Variants in MROH9 observed in about 807,000 individuals in gnomAD.
MROH9 encodes the protein maestro heat like repeat family member 9.
In MROH9, 92 loss-of-function variants were observed where a neutral mutation model predicts 98.2. The observed-to-expected ratio is 0.94, with a 90% CI of 0.79 to 1.11. MROH9 has a LOEUF of 1.11. Among genes scored for constraint, MROH9 ranks in the 50% most tolerant of loss-of-function variants. The probability of loss-of-function intolerance (pLI) is 0.00; values close to 1 mark genes in which losing one functional copy is unlikely to be tolerated. For missense variants in MROH9, 1,057 were observed against 1,014.8 expected, an observed-to-expected ratio of 1.04 and a Z score of -0.57; for synonymous variants, 397 against 368.9, an observed-to-expected ratio of 1.08 and a Z score of -0.87.
At chr1:171,023,368 G>A (rs1159043985) in intron 17 of MROH9, among the ~76,000 whole-genome samples, 1 of 152,158 alleles carries the variant, frequency 6.6e-6, no homozygotes, top group East Asian at 1.9e-4. Flanking sequence ...CAGAGAGCTT[G>A]CATTGTTATT....
At chr1:170,941,245 C>G (rs1007601128) in intron 1 of MROH9, among the ~76,000 whole-genome samples, 3 of 152,134 alleles carry the variant, frequency 2.0e-5, no homozygotes, top group African/African-American at 7.2e-5. Flanking sequence ...GGCCATAGGT[C>G]CCTTTGTGGC....
intron 21 of MROH9, 78 bp downstream of exon 21, chr1:171,062,272 A>G (rs576882522): frequency 1.9e-6 from 2 of 1,041,078 alleles, no homozygotes; most frequent in Non-Finnish European, 2.9e-6. Context: ...GTCACATATG[A>G]GTTCTGTTAG....
chr1:171,016,639 C>T (rs999374686), intron 17 of MROH9, among the ~76,000 whole-genome samples: 1 of 152,060 alleles, frequency 6.6e-6, no homozygotes, highest in African/African-American at 2.4e-5. Flanking sequence ...CCCTCTTCCA[C>T]CTCTTATTGG....
intron 17 of MROH9, among the ~76,000 whole-genome samples, chr1:171,017,899 A>G (rs1366781718): frequency 6.6e-6 from 1 of 151,834 alleles, no homozygotes; most frequent in African/African-American, 2.4e-5. Context: ...TGATCTCCTT[A>G]GGCCTGAACC....
At chr1:170,966,844 T>C (rs570525737) in intron 7 of MROH9, among the ~76,000 whole-genome samples, 2 of 152,220 alleles carry the variant, frequency 1.3e-5, no homozygotes, top group South Asian at 2.1e-4. Context: ...ATTTTGCAAG[T>C]GAGGCTTGAA....
At chr1:171,045,134 G>A (rs1047440730) in intron 20 of MROH9, among the ~76,000 whole-genome samples, 7 of 150,588 alleles carry the variant, frequency 4.6e-5, no homozygotes, top group Admixed American at 1.3e-4. Flanking sequence ...CCGAGTAGCT[G>A]GGACTACAGG....
At chr1:170,950,659 T>TACTGC (rs1418109399) in intron 3 of MROH9, among the ~76,000 whole-genome samples, 1 of 152,144 alleles carries the variant, frequency 6.6e-6, no homozygotes, top group East Asian at 1.9e-4. Context: ...TTTTGTACTG[T>TACTGC]ACTGCACATG....
rs574911846 is a variant in MROH9 at position 171,024,441 on chromosome 1, T to C, written c.1955T>C (p.Leu652Ser). The change falls in exon 18 of 22, where the codon TTA (leucine) becomes TCA (serine). Residue 652 changes from leucine (L) to serine (S), a missense_variant. Coordinates refer to ENST00000367759, the MANE Select transcript of MROH9 (RefSeq NM_001163629.2). The stretch of plus-strand genomic sequence containing the variant: ...ATGGCAATTCGACACTTTGGTCAAT[T>C]AGTTAGGGATATGAGACAGTACACA... ...RSMAIRHFGQ[L>S]VRDMRQYTWM... 31 of 1,551,350 alleles carry C rather than the reference T, an allele frequency of 2.0e-5. No individual in the cohort carries two copies. In the African/African-American group the frequency reaches 3.8e-4, roughly 19 times the overall value.
At chr1:171,007,042 G>C (rs1302981601) in intron 15 of MROH9, among the ~76,000 whole-genome samples, 1 of 152,140 alleles carries the variant, frequency 6.6e-6, no homozygotes, top group African/African-American at 2.4e-5. Context: ...TTCATTATCT[G>C]TATAGTTTTG....
chr1:171,026,494 G>A (rs1652718411), intron 20 of MROH9, among the ~76,000 whole-genome samples: 1 of 149,716 alleles, frequency 6.7e-6, no homozygotes, highest in African/African-American at 2.4e-5. Flanking sequence ...GGCTGGTCTT[G>A]AACTCTGACC....
intron 20 of MROH9, among the ~76,000 whole-genome samples, chr1:171,036,852 A>G (rs1289298459): frequency 6.6e-6 from 1 of 151,770 alleles, no homozygotes; most frequent in African/African-American, 2.4e-5. Context: ...AATACATACT[A>G]TTTATATATG....
chr1:171,022,576 C>A (rs1652555038), intron 17 of MROH9, among the ~76,000 whole-genome samples: 2 of 152,112 alleles, frequency 1.3e-5, no homozygotes, highest in South Asian at 2.1e-4. Flanking sequence ...AGGAGGGGAA[C>A]AACACACACC....
intron 3 of MROH9, among the ~76,000 whole-genome samples, chr1:170,951,794 A>C (rs17838249): frequency 0.095 from 14,519 of 152,106 alleles, 2,202 homozygotes; most frequent in African/African-American, 0.32. Context: ...GTAAAAGAGC[A>C]AAACAATGAC....
Position 171,064,443 on chromosome 1 carries a change from A to G in MROH9, c.*103A>G. The G allele has an allele frequency of 8.2e-7, 1 of 1,217,750 alleles. No individual in the cohort carries two copies. The highest frequency in any genetic ancestry group is 2.9e-4 in the Middle Eastern group (1 of 3,462). The allele number at this position is 1,217,750 out of a possible 1,614,324, so 75.4% of individuals were successfully genotyped here. ...AATGATTTTTCTTTCCCTCCTGACAACTTGAGTCTGTTTGTAGATGCTTTT... is the reference window on the plus strand; with the variant it reads ...AATGATTTTTCTTTCCCTCCTGACAGCTTGAGTCTGTTTGTAGATGCTTTT... On this transcript the variant is annotated 3_prime_UTR_variant, in exon 22 of 22. Transcript: ENST00000367759.
chr1:171,045,612 T>C (rs899855401), intron 20 of MROH9, among the ~76,000 whole-genome samples: 13 of 152,168 alleles, frequency 8.5e-5, no homozygotes, highest in African/African-American at 3.1e-4. Context: ...AAAATTCCTC[T>C]TGTTATTAAT....
intron 15 of MROH9, among the ~76,000 whole-genome samples, chr1:171,006,674 C>A (rs1434220626): frequency 7.2e-6 from 1 of 138,222 alleles, no homozygotes. Flanking sequence ...ATATCTTTTT[C>A]TTTTTTTTTT....
chr1:171,061,612 G>T (rs1005412663), intron 20 of MROH9, among the ~76,000 whole-genome samples: 2 of 152,124 alleles, frequency 1.3e-5, no homozygotes, highest in Non-Finnish European at 2.9e-5. Context: ...CTCTGCTGTG[G>T]TATGATGAAA....
chr1:171,054,359 TCAC>T (rs1257401667), intron 20 of MROH9, among the ~76,000 whole-genome samples: 1 of 152,136 alleles, frequency 6.6e-6, no homozygotes, highest in Admixed American at 6.6e-5. Flanking sequence ...TTCTCATCTC[TCAC>T]CTTATACAAA....
chr1:170,958,498 G>A lies in MROH9; in HGVS notation c.110G>A (p.Gly37Asp), dbSNP rs1649874192. Residue 37 changes from glycine (G) to aspartate (D), a missense_variant, in exon 4 of 22, where the codon GGC (glycine) becomes GAC (aspartate). By Grantham distance (94) the Gly-to-Asp change is moderately conservative. Transcript: ENST00000367759. Reference protein sequence around the residue: ...KVNSLLDAYSGLLSNESMILA... With the variant: ...KVNSLLDAYSDLLSNESMILA... ...AACAGCCTATTGGATGCATACTCAG[G>A]CCTGTTAAGTAATGAATCCATGATC... is the stretch of plus-strand genomic sequence containing the variant. The A allele has an allele frequency of 1.3e-6, 2 of 1,595,724 alleles. No homozygotes were observed. Among genetic ancestry groups the A allele is most frequent in the African/African-American group, 1.3e-5 (1 of 74,314 alleles).
Sources: allele counts gnomAD v4.1 joint callset (sites outside exome capture counted in the v4.1 genomes callset), GRCh38; gene constraint gnomAD v4.1.1; transcripts MANE v1.5; gene names NCBI Gene and HGNC (gene_info 2026-07-23, HGNC 2026-07-21).